The following DGKK variants were observed in gnomAD, a reference collection of about 807,000 sequenced individuals.
DGKK encodes the protein diacylglycerol kinase kappa, also known as 142 kDa diacylglycerol kinase.
In DGKK, 35 loss-of-function variants were observed where a neutral mutation model predicts 92.2. The ratio of observed to expected loss-of-function variants is 0.38; its 90% CI spans 0.29 to 0.50. DGKK has a LOEUF of 0.50. Ranked by LOEUF, DGKK falls within the 20% of genes least tolerant of loss-of-function variation. DGKK has a pLI of 0.92. For missense variants in DGKK, 910 were observed against 992.2 expected (o/e 0.92, Z 1.11); for synonymous variants, 368 against 360.6 (o/e 1.02, Z -0.23).
intron 1 of DGKK, among the ~76,000 whole-genome samples, chrX:50,447,339 TATATTATATATATATATAA>T (rs1926344871): frequency 3.4e-5 from 1 of 29,448 alleles, no homozygotes; most frequent in Non-Finnish European, 5.1e-5. Flanking sequence ...TATATATATA[TATATTATATATATATATAA>T]TATATATATA....
At chrX:50,466,017 C>CT (rs72090197) in intron 1 of DGKK, among the ~76,000 whole-genome samples, 24 of 42,790 alleles carry the variant, frequency 5.6e-4, no homozygotes, top group African/African-American at 1.3e-3. Context: ...TTTCTTTTTT[C>CT]TTTTTTTTTT....
chrX:50,468,829 G>A (rs1358374273), intron 1 of DGKK, among the ~76,000 whole-genome samples: 1 of 107,042 alleles, frequency 9.3e-6, no homozygotes, highest in Non-Finnish European at 1.9e-5. Context: ...AGGATGGACC[G>A]GTATTGTTCG....
chrX:50,384,229 G>T lies in DGKK; in HGVS notation c.2488C>A (p.Leu830Ile). ...AGGTTGTCCAGGTCCTCACTTTTGAGAGAAGATATAGAAGACAAAGTGCCA... is the reference window on the plus strand; with the variant it reads ...AGGTTGTCCAGGTCCTCACTTTTGATAGAAGATATAGAAGACAAAGTGCCA... Reference protein sequence around the residue: ...RRGTLSSISSLKSEDLDNLNL... With the variant: ...RRGTLSSISSIKSEDLDNLNL... Residue 830 changes from leucine (L) to isoleucine (I), a missense_variant, in exon 17 of 28, where the codon CTC becomes ATC. Leu to Ile is a conservative substitution (Grantham distance 5). Coordinates refer to ENST00000611977, the MANE Select transcript of DGKK (RefSeq NM_001013742.4). 1 of 1,182,637 alleles carries T rather than the reference G, an allele frequency of 8.5e-7. No individual in the cohort carries two copies. Among genetic ancestry groups the T allele is most frequent in the South Asian group, 1.9e-5 (1 of 53,304 alleles).
chrX:50,397,347 C>A (rs1361113113), intron 8 of DGKK, among the ~76,000 whole-genome samples: 1 of 112,314 alleles, frequency 8.9e-6, no homozygotes, highest in Admixed American at 9.4e-5. Context: ...TCTTCCCGTA[C>A]TTTTAAAATC....
chrX:50,373,159 GGGA>G (rs1924186635), intron 25 of DGKK, among the ~76,000 whole-genome samples: 1 of 112,327 alleles, frequency 8.9e-6, no homozygotes. Flanking sequence ...GGGAGTTACT[GGGA>G]GGGATTCACT....
At position 50,470,653 on chromosome X, in the gene DGKK, T is replaced by C. The variant is rs1927054380; in HGVS notation, c.26A>G (p.Gln9Arg). The change falls in exon 1 of 28, where the codon CAG becomes CGG. Residue 9 changes from glutamine to arginine, a missense_variant. Gln to Arg is a conservative substitution (Grantham distance 43). Coordinates refer to ENST00000611977, the MANE Select transcript of DGKK (RefSeq NM_001013742.4). MDRGAAAA[Q>R]GTAPPQDGEQ... Reference sequence around the variant, plus strand: ...TCCATCCTGAGGCGGGGCAGTGCCCTGGGCTGCGGCAGCTCCGCGGTCCAT... The same window carrying C: ...TCCATCCTGAGGCGGGGCAGTGCCCCGGGCTGCGGCAGCTCCGCGGTCCAT... 8.9e-7 allele frequency: 1 copy of C among 1,123,017 alleles called. No individual in the cohort carries two copies. The highest frequency in any genetic ancestry group is 1.2e-6 in the Non-Finnish European group (1 of 859,146). The allele number at this position is 1,123,017 out of a possible 1,213,427, so 92.5% of individuals were successfully genotyped here.
rs1557229236 is a variant in DGKK at position 50,422,437 on chromosome X, C to G, written c.837+9G>C. 10 of 1,191,399 alleles carry G rather than the reference C, an allele frequency of 8.4e-6. No individual in the cohort carries two copies. Among genetic ancestry groups the G allele is most frequent in the South Asian group, 1.9e-5 (1 of 53,334 alleles). Reference sequence around the variant, plus strand: ...CCCTGCCCATTCAGTCATTCCCAATCTTACTTACACAAAAACTGTGGCAAA... The same window carrying G: ...CCCTGCCCATTCAGTCATTCCCAATGTTACTTACACAAAAACTGTGGCAAA... On this transcript the variant is annotated intron_variant, in intron 3 of 27. Coordinates refer to ENST00000611977, the MANE Select transcript of DGKK (RefSeq NM_001013742.4).
chrX:50,395,181 G>T (rs1268217713), intron 8 of DGKK, among the ~76,000 whole-genome samples: 1 of 111,484 alleles, frequency 9.0e-6, no homozygotes, highest in Non-Finnish European at 1.9e-5. Flanking sequence ...AAAGAAAGTA[G>T]TCAAAAGGTG....
Position 50,371,844 on chromosome X carries a change from A to T in DGKK, c.3502-10T>A, listed in dbSNP as rs1557223267. 8.8e-7 allele frequency: 1 copy of T among 1,133,857 alleles called. No homozygotes were observed. Among genetic ancestry groups the T allele is most frequent in the Non-Finnish European group, 1.2e-6 (1 of 829,472 alleles). The allele number at this position is 1,133,857 out of a possible 1,213,427, so 93.4% of individuals were successfully genotyped here. The stretch of plus-strand genomic sequence containing the variant: ...CCTCAGCACTTCTCAGCTGGTACAG[A>T]CAGGAAAAAGAGTAAGTGTCCAATG... On this transcript the variant is annotated splice_polypyrimidine_tract_variant and intron_variant, in intron 25 of 27. Transcript: ENST00000611977.
intron 24 of DGKK, among the ~76,000 whole-genome samples, chrX:50,375,519 C>T (rs1466867602): frequency 9.0e-5 from 10 of 111,608 alleles, no homozygotes; most frequent in African/African-American, 2.0e-4. Context: ...TTATATCTTT[C>T]GCCTAGCACT....
intron 3 of DGKK, 134 bp from the exon 4 acceptor site, chrX:50,420,641 A>G (rs1925560307): frequency 1.4e-5 from 7 of 492,454 alleles, no homozygotes; most frequent in Non-Finnish European, 2.4e-5. Context: ...TAAGACAGAC[A>G]TTCCCAGAAC....
chrX:50,385,541 G>A (rs1420546935), intron 15 of DGKK, among the ~76,000 whole-genome samples: 1 of 111,728 alleles, frequency 9.0e-6, no homozygotes, highest in Non-Finnish European at 1.9e-5. Flanking sequence ...AGAAATAGAG[G>A]CAAATTGATT....
Position 50,420,390 on chromosome X carries a change from C to G in DGKK, c.942+13G>C. On this transcript the variant is annotated intron_variant, in intron 4 of 27. Transcript: ENST00000611977. ...TATTAAGAATTGTGTGGCTTCTCTACTAGTTTTCTTACCTTATAAATTTCT... is the reference window on the plus strand; with the variant it reads ...TATTAAGAATTGTGTGGCTTCTCTAGTAGTTTTCTTACCTTATAAATTTCT... 6.7e-6 allele frequency: 8 copies of G among 1,191,378 alleles called. No individual in the cohort carries two copies. The highest frequency in any genetic ancestry group is 9.1e-6 in the Non-Finnish European group (8 of 878,675).
chrX:50,437,164 T>C (rs1178036938), intron 1 of DGKK, among the ~76,000 whole-genome samples: 1 of 111,631 alleles, frequency 9.0e-6, no homozygotes, highest in East Asian at 2.9e-4. Context: ...GCTCTCAGTA[T>C]TGCCTCCCCT....
At chrX:50,436,221 T>C (rs1013543275) in intron 1 of DGKK, among the ~76,000 whole-genome samples, 1 of 111,993 alleles carries the variant, frequency 8.9e-6, no homozygotes, top group Non-Finnish European at 1.9e-5. Context: ...GAAATAATAG[T>C]GAAATGAAGT....
intron 1 of DGKK, among the ~76,000 whole-genome samples, chrX:50,430,318 A>AT (rs1307269569): frequency 1.8e-5 from 2 of 112,211 alleles, no homozygotes; most frequent in African/African-American, 6.5e-5. Flanking sequence ...AGGGCTGTAG[A>AT]ATCCTTGTAC....
chrX:50,375,101 G>T (rs1557223696), intron 24 of DGKK, 44 bp from the exon 25 acceptor site: 1 of 1,062,215 alleles, frequency 9.4e-7, no homozygotes, highest in African/African-American at 1.8e-5. Context: ...GACAAAGACA[G>T]GGGAGTTGTT....
chrX:50,437,606 C>G (rs1557230891), intron 1 of DGKK, among the ~76,000 whole-genome samples: 1 of 110,330 alleles, frequency 9.1e-6, no homozygotes, highest in Non-Finnish European at 1.9e-5. Context: ...AAGGGCTGAC[C>G]ATAAAAGTAC....
At chrX:50,423,826 A>C (rs1925664759) in intron 2 of DGKK, among the ~76,000 whole-genome samples, 1 of 112,345 alleles carries the variant, frequency 8.9e-6, no homozygotes, top group Non-Finnish European at 1.9e-5. Context: ...AATTATTTAA[A>C]ATCGTATTTT....
Sources: gnomAD v4.1 joint callset for allele counts (sites outside exome capture counted in the v4.1 genomes callset) on GRCh38, gnomAD v4.1.1 for gene constraint, MANE v1.5 for transcripts, NCBI Gene and HGNC (gene_info 2026-07-23, HGNC 2026-07-21) for gene names.